The following ARSG variants were observed in gnomAD, a reference collection of about 807,000 sequenced individuals.
The protein encoded by ARSG is arylsulfatase G, also known as ASG.
In ARSG, 37 loss-of-function variants were observed where a neutral mutation model predicts 50.5. The observed-to-expected ratio is 0.73, with a 90% CI of 0.56 to 0.96. The LOEUF is 0.96. Among genes scored for constraint, ARSG ranks in the 50% least tolerant of loss-of-function variants. The pLI is 0.00. For missense variants in ARSG, 629 were observed against 675.3 expected, an observed-to-expected ratio of 0.93 and a Z score of 0.76; for synonymous variants, 225 against 254.6, an observed-to-expected ratio of 0.88 and a Z score of 1.11.
chr17:68,280,199 A>AG (rs2075650146), intron 1 of ARSG, among the ~76,000 whole-genome samples: 2 of 149,032 alleles, frequency 1.3e-5, no homozygotes. Context: ...AAAAAAAAAA[A>AG]AGAATTATTT....
Position 68,323,844 on chromosome 17 carries a change from G to A in ARSG, c.218+16133G>A, listed in dbSNP as rs868928799. ...TCCCAACACTTTGGGAGGCCGAAGC[G>A]GGTGGATCACCTGAGGTCAGGAGTT... On this transcript the variant is annotated intron_variant, in intron 2 of 11. Transcript: ENST00000621439. 6.6e-5 allele frequency among the ~76,000 whole-genome samples: 10 copies of A among 152,050 alleles called. No individual in the cohort carries two copies. In the South Asian group the frequency reaches 8.3e-4, roughly 13 times the overall value.
In ARSG at chr17:68,356,719, C is replaced by T. The variant is rs1568514836; in HGVS notation, c.619C>T (p.Leu207Phe). ...CGTGGCCCTCCCTCTTTATGAAAAC[C>T]TCAACATTGTGGAGCAGCCGGTGAA... Reference protein sequence around the residue: ...TDVALPLYENLNIVEQPVNLS... With the variant: ...TDVALPLYENFNIVEQPVNLS... Residue 207 changes from leucine to phenylalanine, a missense_variant, in exon 6 of 12, where the codon CTC (leucine) becomes TTC (phenylalanine). Leu to Phe is a conservative substitution (Grantham distance 22). Transcript: ENST00000621439. 3.1e-6 allele frequency: 5 copies of T among 1,614,168 alleles called. No individual in the cohort carries two copies. The highest frequency in any genetic ancestry group is 1.1e-5 in the South Asian group (1 of 91,084).
At chr17:68,290,581 G>A (rs1272986309), upstream of ARSG, among the ~76,000 whole-genome samples, 2 of 152,246 alleles carry the variant, frequency 1.3e-5, no homozygotes, top group African/African-American at 4.8e-5. Flanking sequence ...GGAGTGCTGT[G>A]TTTGGGGGTC....
At chr17:68,447,562 T>C in the ARSG span, among the ~76,000 whole-genome samples, 1 of 151,932 alleles carries the variant, frequency 6.6e-6, no homozygotes, top group Non-Finnish European at 1.5e-5. Flanking sequence ...ATTTTTATAG[T>C]AAAGACCTAG....
chr17:68,379,697 GT>G (rs1342593015), intron 8 of ARSG: 6 of 444,904 alleles, frequency 1.3e-5, no homozygotes, highest in Non-Finnish European at 1.8e-5. Context: ...ACACATGTTT[GT>G]TTTTGTCAGT....
At chr17:68,384,840 C>T (rs2080620852) in intron 8 of ARSG, among the ~76,000 whole-genome samples, 1 of 152,072 alleles carries the variant, frequency 6.6e-6, no homozygotes, top group South Asian at 2.1e-4. Context: ...TGAGGTGATT[C>T]AGTAGAGTGA....
intron 1 of ARSG, chr17:68,274,248 T>G (rs1599509248): frequency 1.4e-5 from 8 of 561,178 alleles, no homozygotes; most frequent in South Asian, 2.8e-5. Flanking sequence ...GGAGGATCGC[T>G]TGAGCCCAGG....
chr17:68,293,492 C>CTAATAATAATAA (rs10570607), intron 1 of ARSG, among the ~76,000 whole-genome samples: 127 of 150,644 alleles, frequency 8.4e-4, no homozygotes, highest in Middle Eastern at 3.5e-3. Flanking sequence ...GAGCATGATT[C>CTAATAATAATAA]TAATAATAAT....
At chr17:68,365,587 T>C (rs1181801300) in intron 6 of ARSG, among the ~76,000 whole-genome samples, 2 of 152,248 alleles carry the variant, frequency 1.3e-5, no homozygotes, top group East Asian at 1.9e-4. Flanking sequence ...ACTTTGATAA[T>C]GGGTGAGAGT....
At chr17:68,435,036 G>A in the ARSG span, among the ~76,000 whole-genome samples, 5 of 151,942 alleles carry the variant, frequency 3.3e-5, no homozygotes, top group South Asian at 2.1e-4. Flanking sequence ...GTGAAACCCC[G>A]TCTCCACTAA....
chr17:68,371,189 G>T (rs1430204055), intron 8 of ARSG, among the ~76,000 whole-genome samples: 1 of 151,998 alleles, frequency 6.6e-6, no homozygotes, highest in African/African-American at 2.4e-5. Context: ...GCGTGGTGGC[G>T]GGCGCCTGTA....
the ARSG span, chr17:68,444,447 C>T: frequency 7.7e-6 from 12 of 1,550,946 alleles, no homozygotes; most frequent in Non-Finnish European, 1.1e-5. Context: ...AAAGAAGCAC[C>T]AGGACATGAA....
the ARSG span, among the ~76,000 whole-genome samples, chr17:68,431,866 T>C: frequency 1.5e-5 from 1 of 67,216 alleles, no homozygotes; most frequent in Non-Finnish European, 3.1e-5. Context: ...AAAATCAATC[T>C]CTGATAATAA....
In ARSG at chr17:68,322,869, G is replaced by A. The variant is rs143049903; in HGVS notation, c.218+15158G>A. 7.0e-3 allele frequency among the ~76,000 whole-genome samples: 1,063 copies of A among 152,304 alleles called. 6 individuals are homozygous for A. Among genetic ancestry groups the A allele is most frequent in the Middle Eastern group, 0.054 (16 of 294 alleles). On this transcript the variant is annotated intron_variant, in intron 2 of 11. Transcript: ENST00000621439. ...ATTTCTCACAGTTCTGGAGGCTAAA[G>A]TCCAACATCAGGGTACTAGCATGGT...
intron 1 of ARSG, chr17:68,266,903 T>G (rs566780671): frequency 8.3e-4 from 126 of 152,336 alleles, no homozygotes; most frequent in African/African-American, 2.9e-3. Flanking sequence ...TAAAAGGTTT[T>G]GCAGAAGATA....
intron 2 of ARSG, among the ~76,000 whole-genome samples, chr17:68,337,605 CTATT>C (rs61324666): frequency 0.99 from 149,200 of 150,814 alleles, 73,828 homozygotes; most frequent in Middle Eastern, 1. Context: ...AGAAACGCTT[CTATT>C]TATTTATTTA....
In ARSG at chr17:68,286,168, C is replaced by A. The variant is rs927505929; in HGVS notation, c.-551-20775C>A. On this transcript the variant is annotated intron_variant, in intron 1 of 11. Transcript: ENST00000448504. ...TTTTTGTATGAGCTGAGATTACCTGCCATCATGAGAAGGCTCTGTCTGGCC... is the reference window on the plus strand; with the variant it reads ...TTTTTGTATGAGCTGAGATTACCTGACATCATGAGAAGGCTCTGTCTGGCC... Among the ~76,000 whole-genome samples the A allele has an allele frequency of 5.9e-5, 9 of 152,270 alleles. No individual in the cohort carries two copies. The South Asian group carries it at 8.3e-4, about 14-fold the overall frequency.
At chr17:68,436,257 A>G in the ARSG span, 1 of 799,458 alleles carries the variant, frequency 1.3e-6, no homozygotes, top group Non-Finnish European at 2.1e-6. Context: ...CTCTTGAACA[A>G]CTCCCCAGTA....
At chr17:68,278,693 C>T (rs1420403940) in intron 1 of ARSG, among the ~76,000 whole-genome samples, 2 of 146,112 alleles carry the variant, frequency 1.4e-5, no homozygotes, top group Non-Finnish European at 3.0e-5. Context: ...GATCTTGGCT[C>T]ACTGAAATCT....
Sources: allele counts gnomAD v4.1 joint callset (sites outside exome capture counted in the v4.1 genomes callset), GRCh38; gene constraint gnomAD v4.1.1; transcripts MANE v1.5; gene names NCBI Gene and HGNC (gene_info 2026-07-23, HGNC 2026-07-21).